Variants in ANO2 observed in about 807,000 individuals in gnomAD.
The protein encoded by ANO2 is anoctamin-2.
In ANO2, 101 loss-of-function variants were observed where a neutral mutation model predicts 124.2. The observed-to-expected ratio is 0.81, with a 90% CI of 0.69 to 0.96. The LOEUF is 0.96. Ranked by LOEUF, ANO2 falls within the 40% of genes least tolerant of loss-of-function variation. The pLI is 0.00. For missense variants in ANO2, 1,293 were observed against 1,274.5 expected (o/e 1.01, Z -0.22); for synonymous variants, 486 against 482.5 (o/e 1.01, Z -0.09).
chr12:5,695,646 G>A (rs1251458003), intron 14 of ANO2, among the ~76,000 whole-genome samples: 1 of 152,080 alleles, frequency 6.6e-6, no homozygotes, highest in African/African-American at 2.4e-5. Context: ...TTCGAAACCA[G>A]CCTGGCCTAC....
chr12:5,613,827 G>A (rs1433307702), intron 17 of ANO2, among the ~76,000 whole-genome samples: 1 of 152,150 alleles, frequency 6.6e-6, no homozygotes, highest in Non-Finnish European at 1.5e-5. Flanking sequence ...TAAGCCTCAG[G>A]ATCCTTTTTT....
intron 4 of ANO2, among the ~76,000 whole-genome samples, chr12:5,844,857 G>A (rs968708116): frequency 2.0e-5 from 3 of 151,116 alleles, no homozygotes; most frequent in African/African-American, 7.3e-5. Flanking sequence ...TTGTTTGTTT[G>A]TTTGTTTGTT....
chr12:5,899,268 A>G (rs1262223596), intron 3 of ANO2, among the ~76,000 whole-genome samples: 1 of 152,188 alleles, frequency 6.6e-6, no homozygotes, highest in African/African-American at 2.4e-5. Context: ...TAAGAATTCT[A>G]GCAACTCAGC....
chr12:5,775,036 C>T (rs935167730), intron 10 of ANO2, among the ~76,000 whole-genome samples: 4 of 152,134 alleles, frequency 2.6e-5, no homozygotes, highest in East Asian at 3.8e-4. Context: ...AATTATTCCC[C>T]CAATTTGCAG....
At chr12:5,941,661 C>T (rs1942899098) in intron 1 of ANO2, among the ~76,000 whole-genome samples, 1 of 135,722 alleles carries the variant, frequency 7.4e-6, no homozygotes, top group African/African-American at 2.5e-5. Context: ...GTCCAGCAAA[C>T]TCAAGTTAAA....
At chr12:5,844,655 G>A (rs1171658403) in intron 4 of ANO2, among the ~76,000 whole-genome samples, 2 of 152,122 alleles carry the variant, frequency 1.3e-5, no homozygotes, top group East Asian at 1.9e-4. Context: ...ATAACTCACT[G>A]AGCAAGACAA....
chr12:5,672,061 C>A (rs923237182), intron 14 of ANO2, among the ~76,000 whole-genome samples: 6 of 152,154 alleles, frequency 3.9e-5, no homozygotes, highest in Non-Finnish European at 8.8e-5. Flanking sequence ...GAAGGGACAG[C>A]CTAAAGGTTT....
At chr12:5,800,401 G>A (rs893287938) in intron 9 of ANO2, among the ~76,000 whole-genome samples, 3 of 152,204 alleles carry the variant, frequency 2.0e-5, no homozygotes, top group African/African-American at 7.2e-5. Flanking sequence ...TTGCAGTAGA[G>A]GGCGAAACAA....
rs1197413775 is a variant in ANO2 at position 5,908,734 on chromosome 12, GCAGA to G, written c.534+12302_534+12305del. 6.6e-6 allele frequency among the ~76,000 whole-genome samples: 1 copy of G among 152,214 alleles called. No individual in the cohort carries two copies. Among genetic ancestry groups the G allele is most frequent in the African/African-American group, 2.4e-5 (1 of 41,446 alleles). On this transcript the variant is annotated intron_variant, in intron 3 of 24. Coordinates refer to ENST00000682330, the MANE Select transcript of ANO2 (RefSeq NM_001364791.2). The surrounding 1 kb of genome is among the most constrained non-coding windows in gnomAD (Gnocchi z 4.7). ...CTCCTAAGTGCATCTGTCCCGCTCA[GCAGA>G]CAGTGACACAGCTAACATCCCCAAC...
At chr12:5,611,896 A>C (rs550765938) in intron 19 of ANO2, among the ~76,000 whole-genome samples, 2 of 152,276 alleles carry the variant, frequency 1.3e-5, no homozygotes, top group East Asian at 3.9e-4. Context: ...GAACTGGCCC[A>C]GCCTCTCAGT....
intron 3 of ANO2, among the ~76,000 whole-genome samples, chr12:5,867,868 T>C (rs972216326): frequency 6.7e-6 from 1 of 150,278 alleles, no homozygotes; most frequent in Admixed American, 6.6e-5. Flanking sequence ...AAGAGCACTA[T>C]GAAAATAATC....
chr12:5,742,356 A>G (rs1951122777), intron 12 of ANO2, among the ~76,000 whole-genome samples: 1 of 152,220 alleles, frequency 6.6e-6, no homozygotes, highest in African/African-American at 2.4e-5. Flanking sequence ...AATCACATAA[A>G]GCACAGCAAG....
chr12:5,805,359 G>T (rs1364394393), intron 9 of ANO2, among the ~76,000 whole-genome samples: 3 of 152,114 alleles, frequency 2.0e-5, no homozygotes, highest in African/African-American at 7.2e-5. Flanking sequence ...TGTTGAAGGT[G>T]GGGAGAAGCC....
intron 3 of ANO2, chr12:5,881,901 C>T (rs1178832353): frequency 2.6e-5 from 4 of 152,212 alleles, no homozygotes; most frequent in Non-Finnish European, 5.9e-5. Context: ...TTCAATCATG[C>T]TCATCCTGGA....
chr12:5,745,051 C>T (rs1408231321), intron 11 of ANO2, among the ~76,000 whole-genome samples: 4 of 152,198 alleles, frequency 2.6e-5, no homozygotes, highest in Non-Finnish European at 5.9e-5. Flanking sequence ...CTCTAATGGC[C>T]TGTATTCCAA....
intron 20 of ANO2, 46 bp downstream of exon 20, chr12:5,599,438 T>C (rs759551789): frequency 6.5e-7 from 1 of 1,545,126 alleles, no homozygotes; most frequent in Admixed American, 2.1e-5. Flanking sequence ...CACAGACCCC[T>C]TGTCTGAACC....
intron 14 of ANO2, among the ~76,000 whole-genome samples, chr12:5,718,756 T>A (rs567717178): frequency 1.3e-5 from 2 of 152,354 alleles, no homozygotes; most frequent in South Asian, 4.1e-4. Flanking sequence ...GGTAGATAGA[T>A]GGAAGGGGAA....
At chr12:5,763,855 G>T (rs192714986) in intron 10 of ANO2, among the ~76,000 whole-genome samples, 2 of 152,058 alleles carry the variant, frequency 1.3e-5, no homozygotes, top group African/African-American at 4.8e-5. Context: ...GAAATTAATA[G>T]AAAAAAGTCA....
At chr12:5,604,640 C>T (rs1460988121) in intron 19 of ANO2, among the ~76,000 whole-genome samples, 1 of 152,076 alleles carries the variant, frequency 6.6e-6, no homozygotes, top group African/African-American at 2.4e-5. Flanking sequence ...AAAGTCCCAT[C>T]CAGTGTGGGT....
Sources: allele counts gnomAD v4.1 joint callset (sites outside exome capture counted in the v4.1 genomes callset), GRCh38; gene constraint gnomAD v4.1.1; non-coding constraint Gnocchi (gnomAD v3.1); transcripts MANE v1.5; gene names NCBI Gene and HGNC (gene_info 2026-07-23, HGNC 2026-07-21).